The following CTSB variants were observed in gnomAD, a reference collection of about 807,000 sequenced individuals.
The protein encoded by CTSB is cathepsin B, also known as APP secretase.
A neutral mutation model predicts 44.3 loss-of-function variants in CTSB; 57 were observed. The observed-to-expected ratio is 1.29, with a 90% CI of 1.04 to 1.60. The LOEUF is 1.60. Ranked by LOEUF, CTSB falls within the 40% of genes most tolerant of loss-of-function variation. The pLI is 0.00. For missense variants in CTSB, 768 were observed against 443.0 expected (o/e 1.73, Z -6.59); for synonymous variants, 320 against 168.0 (o/e 1.91, Z -7.00).
intron 1 of CTSB, chr8:11,864,227 G>A (rs1816795203): frequency 6.7e-6 from 1 of 149,866 alleles, no homozygotes; most frequent in African/African-American, 2.5e-5. Context: ...CCCAGCATTT[G>A]GAAGGCCTAA....
rs1018371355 is a variant in CTSB, at chr8:11,852,816, G to A, written c.127-121C>T. On this transcript the variant is annotated intron_variant, in intron 2 of 9. Transcript: ENST00000353047. ...GACCCTACCCAATTCAAGGGCCCAA[G>A]GGTTGGGGGGCACTGGGGAACAGCC... is the stretch of plus-strand genomic sequence containing the variant. The A allele has an allele frequency of 7.2e-6, 6 of 832,812 alleles. No individual in the cohort carries two copies. In the Admixed American group the frequency reaches 1.4e-4, roughly 19 times the overall value. The allele number at this position is 832,812 out of a possible 1,614,324, so 51.6% of individuals were successfully genotyped here.
chr8:11,852,470 C>T, intron 3 of CTSB, 140 bp downstream of exon 3: 1 of 521,736 alleles, frequency 1.9e-6, no homozygotes, highest in South Asian at 3.1e-5. Context: ...GAAACAAGTA[C>T]TGTACCTCAA....
At chr8:11,847,399 G>A (rs1200158949) in intron 7 of CTSB, among the ~76,000 whole-genome samples, 1 of 152,142 alleles carries the variant, frequency 6.6e-6, no homozygotes, top group Non-Finnish European at 1.5e-5. Context: ...CCCGGAAGAG[G>A]CCAGGATACC....
chr8:11,850,646 G>C (rs1319160552), intron 4 of CTSB: 1 of 421,838 alleles, frequency 2.4e-6, no homozygotes, highest in Non-Finnish European at 4.4e-6. Flanking sequence ...CTGTACACGT[G>C]GACTTGCAAT....
chr8:11,862,397 G>C (rs1415261027), intron 1 of CTSB: 6 of 152,146 alleles, frequency 3.9e-5, no homozygotes, highest in Non-Finnish European at 5.9e-5. Context: ...TCAGTCACTG[G>C]GAGCGTGAAA....
At chr8:11,853,290 T>G in intron 2 of CTSB, 39 bp downstream of exon 2, 1 of 1,609,370 alleles carries the variant, frequency 6.2e-7, no homozygotes, top group Non-Finnish European at 8.5e-7. Flanking sequence ...CAGACCGACC[T>G]GGGAGGGGAC....
At position 11,844,923 on chromosome 8, in the gene CTSB, G is replaced by C. The variant is rs554280340; in HGVS notation, c.*202C>G. On this transcript the variant is annotated 3_prime_UTR_variant, in exon 10 of 10. Transcript: ENST00000353047. ...GGAAGGACGCTCTGTGCTGGCAGCG[G>C]TGGCTCACATGGCCTGTCTGCACTG... The C allele has an allele frequency of 5.0e-5, 29 of 581,990 alleles. 1 individual carries two copies. The South Asian group carries it at 5.7e-4, about 11-fold the overall frequency. The allele number at this position is 581,990 out of a possible 1,614,324, so 36.1% of individuals were successfully genotyped here. A position where few individuals can be genotyped will look rare whatever the true frequency, so the allele number is the denominator to read the frequency against.
Position 11,845,776 on chromosome 8 carries a change from G to A in CTSB, c.807C>T (p.His269=), listed in dbSNP as rs202010757. The A allele has an allele frequency of 1.2e-4, 199 of 1,613,620 alleles. No individual in the cohort carries two copies. The highest frequency in any genetic ancestry group is 6.8e-4 in the South Asian group (62 of 91,032). Residue 269 remains histidine, a synonymous_variant, in exon 9 of 10, where the codon CAC becomes CAT. Transcript: ENST00000353047. ...GGCCACCCATCATCTCTCCGGTGAC[G>A]TGTTGGTACACTCCTGAAAAGGGAA... ...FLLYKSGVYQ[H]VTGEMMGGHA... is the part of the protein sequence containing the mutation.
In CTSB at chr8:11,844,439, G is replaced by C. The variant is rs1812850901; in HGVS notation, c.*686C>G. The C allele has an allele frequency of 6.6e-6, 1 of 152,218 alleles. No homozygotes were observed. Among genetic ancestry groups the C allele is most frequent in the African/African-American group, 2.4e-5 (1 of 41,446 alleles). 9.4% of individuals were successfully genotyped at this position (152,218 alleles called of 1,614,324 possible). On this transcript the variant is annotated 3_prime_UTR_variant, in exon 10 of 10. Coordinates refer to ENST00000353047, the MANE Select transcript of CTSB (RefSeq NM_001908.5). ...CTAAACTATTTTCCTTGTGGTAGTA[G>C]AGATCAGTGGGTCAGAAACAACTCC... is the stretch of plus-strand genomic sequence containing the variant.
chr8:11,859,085 C>G (rs1476942769), intron 1 of CTSB, among the ~76,000 whole-genome samples: 1 of 152,084 alleles, frequency 6.6e-6, no homozygotes, highest in Non-Finnish European at 1.5e-5. Context: ...TTAGGCAGAC[C>G]TGAGTTCCAG....
intron 7 of CTSB, 104 bp from the exon 8 acceptor site, chr8:11,847,272 T>G: frequency 2.6e-6 from 2 of 764,064 alleles, no homozygotes; most frequent in African/African-American, 3.4e-5. Context: ...AGGGGAAGAC[T>G]GCATCTAAGG....
rs2130953024 is a variant in CTSB, at chr8:11,842,979, T to C, written c.*2146A>G. ...TTTTTTAATTATTGAGACGGAGCCT[T>C]GCGCTGTCACCGAGGCTGGAGTGCA... On this transcript the variant is annotated 3_prime_UTR_variant, in exon 10 of 10. Coordinates refer to ENST00000353047, the MANE Select transcript of CTSB (RefSeq NM_001908.5). The C allele has an allele frequency of 7.6e-6, 1 of 131,752 alleles. No individual in the cohort carries two copies. 8.2% of individuals were successfully genotyped at this position (131,752 alleles called of 1,614,324 possible).
At chr8:11,858,341 C>G (rs965396167) in intron 1 of CTSB, among the ~76,000 whole-genome samples, 1 of 152,220 alleles carries the variant, frequency 6.6e-6, no homozygotes, top group African/African-American at 2.4e-5. Flanking sequence ...GTTGCCCAGG[C>G]TGGAGTGCAG....
chr8:11,848,152 G>A lies in CTSB; in HGVS notation c.447C>T (p.Gly149=), dbSNP rs1351329097. Residue 149 remains glycine (G), a splice_region_variant and synonymous_variant, in exon 6 of 10, where the codon GGC becomes GGT. Coordinates refer to ENST00000353047, the MANE Select transcript of CTSB (RefSeq NM_001908.5). ...CTTCAGCAGGATAGCCACCATTACA[G>A]CTGAAAAGACAGCCTCTAATGAAAA... ...LTCCGSMCGD[G]CNGGYPAEAW... 4 of 1,613,792 alleles carry A rather than the reference G, an allele frequency of 2.5e-6. No homozygotes were observed. The highest frequency in any genetic ancestry group is 3.4e-6 in the Non-Finnish European group (4 of 1,179,674).
chr8:11,846,044 A>T, intron 8 of CTSB: 1 of 331,826 alleles, frequency 3.0e-6, no homozygotes, highest in East Asian at 5.4e-5. Flanking sequence ...GGCTTTAAAA[A>T]TAGAATTTCT....
In CTSB at chr8:11,847,742, G is replaced by T; in HGVS notation, c.613C>A (p.Pro205Thr). ...GGCTCACAGATCTTGCTACACTTGGGGGTATCTCCCTCCCCCGTGCATGGG... is the reference window on the plus strand; with the variant it reads ...GGCTCACAGATCTTGCTACACTTGGTGGTATCTCCCTCCCCCGTGCATGGG... ...RPPCTGEGDT[P>T]KCSKICEPGY... Residue 205 changes from proline (P) to threonine (T), a missense_variant, in exon 7 of 10, where the codon CCC becomes ACC. Physicochemically the swap from Pro to Thr is conservative, Grantham distance 38 (BLOSUM62 -1). Coordinates refer to ENST00000353047, the MANE Select transcript of CTSB (RefSeq NM_001908.5). The T allele has an allele frequency of 6.2e-7, 1 of 1,601,296 alleles. No individual in the cohort carries two copies. Among genetic ancestry groups the T allele is most frequent in the Non-Finnish European group, 8.5e-7 (1 of 1,175,818 alleles).
In CTSB at chr8:11,848,166, C is replaced by A. The variant is rs779076886; in HGVS notation, c.447-14G>T. 7.4e-5 allele frequency: 120 copies of A among 1,612,302 alleles called. No homozygotes were observed. Among genetic ancestry groups the A allele is most frequent in the Non-Finnish European group, 9.5e-5 (112 of 1,178,430 alleles). ...CCACCATTACAGCTGAAAAGACAGC[C>A]TCTAATGAAAACCTCTGAGAGAAGC... On this transcript the variant is annotated splice_polypyrimidine_tract_variant and intron_variant, in intron 5 of 9. Transcript: ENST00000353047.
intron 6 of CTSB, 44 bp downstream of exon 6, chr8:11,848,023 A>G (rs1368304707): frequency 6.6e-6 from 10 of 1,506,680 alleles, no homozygotes; most frequent in African/African-American, 1.4e-5. Flanking sequence ...TTAATTGCTC[A>G]AACAATCCAT....
chr8:11,853,058 T>G (rs982152719), intron 2 of CTSB, among the ~76,000 whole-genome samples: 4 of 152,032 alleles, frequency 2.6e-5, no homozygotes, highest in African/African-American at 9.7e-5. Context: ...TTTTGAACAC[T>G]TCCGAAGCTC....
Sources: gnomAD v4.1 joint callset for allele counts (sites outside exome capture counted in the v4.1 genomes callset) on GRCh38, gnomAD v4.1.1 for gene constraint, MANE v1.5 for transcripts, NCBI Gene and HGNC (gene_info 2026-07-23, HGNC 2026-07-21) for gene names.